Variants in RORB observed in about 807,000 individuals in gnomAD.
The protein encoded by RORB is nuclear receptor ROR-beta.
A neutral mutation model predicts 59.1 loss-of-function variants in RORB; 6 were observed. The ratio of observed to expected loss-of-function variants is 0.10; its 90% CI spans 0.06 to 0.20. RORB has a LOEUF of 0.20. Ranked by LOEUF, RORB falls within the 10% of genes least tolerant of loss-of-function variation. RORB has a pLI of 1.00. For synonymous variants in RORB, 215 were observed against 204.5 expected, an observed-to-expected ratio of 1.05 and a Z score of -0.44; for missense variants, 320 against 560.5, an observed-to-expected ratio of 0.57 and a Z score of 4.33.
chr9:74,542,413 A>G (rs1826422773), intron 1 of RORB, among the ~76,000 whole-genome samples: 1 of 152,230 alleles, frequency 6.6e-6, no homozygotes, highest in Admixed American at 6.5e-5. Context: ...TTCAGTGGAC[A>G]TTAAATTGCA....
At chr9:74,514,148 T>C (rs917999758) in intron 1 of RORB, among the ~76,000 whole-genome samples, 10 of 152,128 alleles carry the variant, frequency 6.6e-5, no homozygotes, top group African/African-American at 2.2e-4. Flanking sequence ...GGACAACAGC[T>C]ACTGCTTATT....
chr9:74,627,191 C>G (rs1823535066), intron 1 of RORB, among the ~76,000 whole-genome samples: 1 of 150,970 alleles, frequency 6.6e-6, no homozygotes, highest in Non-Finnish European at 1.5e-5. Flanking sequence ...AACTATAAAG[C>G]TGCAGCTCAG....
rs1295554474 is a variant in RORB, at chr9:74,691,996, G to A, written c.*6378G>A. 1.3e-5 allele frequency: 2 copies of A among 152,082 alleles called. No individual in the cohort carries two copies. Among genetic ancestry groups the A allele is most frequent in the South Asian group, 2.1e-4 (1 of 4,826 alleles). 9.4% of individuals were successfully genotyped at this position (152,082 alleles called of 1,614,324 possible). A position where few individuals can be genotyped will look rare whatever the true frequency, so the allele number is the denominator to read the frequency against. ...CTGAGTTAAGTCATCTTTCCTTGTA[G>A]CAAATGGCTTTGTCCAAATCCTTTC... is the stretch of plus-strand genomic sequence containing the variant. On this transcript the variant is annotated 3_prime_UTR_variant, in exon 10 of 10. Coordinates refer to ENST00000376896, the MANE Select transcript of RORB (RefSeq NM_006914.4).
At chr9:74,542,386 A>G (rs978995386) in intron 1 of RORB, among the ~76,000 whole-genome samples, 1 of 152,220 alleles carries the variant, frequency 6.6e-6, no homozygotes, top group Admixed American at 6.5e-5. Flanking sequence ...TGAAAAATGT[A>G]TTGTTTGAAA....
Position 74,603,927 on chromosome 9 carries a change from T to G in RORB, c.8-26355T>G, listed in dbSNP as rs1005739269. On this transcript the variant is annotated intron_variant, in intron 1 of 9. Coordinates refer to ENST00000376896, the MANE Select transcript of RORB (RefSeq NM_006914.4). The stretch of plus-strand genomic sequence containing the variant: ...TGTAATAATATATTAAAAGGTTGAG[T>G]GCCATCGTCCTAACTATTATGCTAA... 2.0e-5 allele frequency among the ~76,000 whole-genome samples: 3 copies of G among 152,178 alleles called. No homozygotes were observed. The South Asian group carries it at 6.2e-4, about 32-fold the overall frequency.
chr9:74,668,268 A>G (rs1824298385), intron 8 of RORB, among the ~76,000 whole-genome samples: 1 of 152,250 alleles, frequency 6.6e-6, no homozygotes, highest in Non-Finnish European at 1.5e-5. Flanking sequence ...CACAGTAGAA[A>G]TGTACCTAAA....
chr9:74,517,903 T>C (rs1397401658), intron 1 of RORB, among the ~76,000 whole-genome samples: 1 of 152,076 alleles, frequency 6.6e-6, no homozygotes, highest in African/African-American at 2.4e-5. Context: ...ATTACCTCAG[T>C]TAATCATCAG....
At chr9:74,518,962 A>G (rs1826047986) in intron 1 of RORB, among the ~76,000 whole-genome samples, 1 of 152,040 alleles carries the variant, frequency 6.6e-6, no homozygotes, top group Non-Finnish European at 1.5e-5. Flanking sequence ...TACAATATTC[A>G]TTAGAACTAT....
At chr9:74,612,735 A>T (rs947332704) in intron 1 of RORB, among the ~76,000 whole-genome samples, 25 of 152,282 alleles carry the variant, frequency 1.6e-4, no homozygotes, top group African/African-American at 6.0e-4. Context: ...TATTAATTTC[A>T]TTTACTCAGG....
intron 1 of RORB, among the ~76,000 whole-genome samples, chr9:74,605,035 T>G (rs1391876649): frequency 3.3e-5 from 5 of 152,230 alleles, no homozygotes; most frequent in African/African-American, 1.2e-4. Context: ...TAGTAACCCT[T>G]CATCCTAGAA....
intron 1 of RORB, among the ~76,000 whole-genome samples, chr9:74,529,036 A>G (rs1335674008): frequency 1.3e-5 from 2 of 152,046 alleles, no homozygotes; most frequent in Admixed American, 6.6e-5. Context: ...CATTTTAAGG[A>G]GAAGTGCTCT....
chr9:74,571,941 G>A (rs183826911), intron 1 of RORB, among the ~76,000 whole-genome samples: 101 of 152,076 alleles, frequency 6.6e-4, no homozygotes, highest in Non-Finnish European at 1.1e-3. Flanking sequence ...CACCTCCCCC[G>A]CCCTCCTGAG....
intron 9 of RORB, among the ~76,000 whole-genome samples, chr9:74,677,004 A>G (rs1004536604): frequency 6.6e-6 from 1 of 152,204 alleles, no homozygotes; most frequent in Non-Finnish European, 1.5e-5. Flanking sequence ...ATTCACTGTC[A>G]TTGCCACGTG....
chr9:74,552,709 A>T (rs1428783102), intron 1 of RORB, among the ~76,000 whole-genome samples: 1 of 152,116 alleles, frequency 6.6e-6, no homozygotes, highest in African/African-American at 2.4e-5. Flanking sequence ...TATTGAGCAC[A>T]TATCATGCAC....
chr9:74,685,230 G>T lies in RORB; in HGVS notation c.1225-233G>T, dbSNP rs561383678. Among the ~76,000 whole-genome samples, 9 of 143,132 alleles carry T rather than the reference G, an allele frequency of 6.3e-5. 1 individual carries two copies. In the East Asian group the frequency reaches 1.9e-3, roughly 30 times the overall value. The allele number at this position is 143,132 out of a possible 152,430, so 93.9% of individuals were successfully genotyped here. A position where few individuals can be genotyped will look rare whatever the true frequency, so the allele number is the denominator to read the frequency against. Reference sequence around the variant, plus strand: ...TTAAGAGCGATGAATCAGGGATCTTGGTCCTGCTTGCTTTATTTTTCCTTT... The same window carrying T: ...TTAAGAGCGATGAATCAGGGATCTTTGTCCTGCTTGCTTTATTTTTCCTTT... On this transcript the variant is annotated intron_variant, in intron 9 of 9. Coordinates refer to ENST00000376896, the MANE Select transcript of RORB (RefSeq NM_006914.4).
intron 1 of RORB, among the ~76,000 whole-genome samples, chr9:74,524,465 G>C (rs1447625062): frequency 6.6e-6 from 1 of 151,998 alleles, no homozygotes; most frequent in Non-Finnish European, 1.5e-5. Context: ...CTGCTGAAAA[G>C]CTAATTACCT....
chr9:74,540,645 C>G (rs1196744610), intron 1 of RORB, among the ~76,000 whole-genome samples: 1 of 151,854 alleles, frequency 6.6e-6, no homozygotes, highest in Non-Finnish European at 1.5e-5. Context: ...GGATCTTTCT[C>G]ATTCTTTTTT....
intron 1 of RORB, among the ~76,000 whole-genome samples, chr9:74,586,619 G>GTGTA (rs1554668280): frequency 6.6e-6 from 1 of 151,568 alleles, no homozygotes; most frequent in Non-Finnish European, 1.5e-5. Context: ...GTGTGTGTGT[G>GTGTA]TGTGTGTGTG....
chr9:74,537,209 C>T (rs1197213309), intron 1 of RORB, among the ~76,000 whole-genome samples: 2 of 151,970 alleles, frequency 1.3e-5, no homozygotes, highest in African/African-American at 4.8e-5. Flanking sequence ...ACCTCTTCCC[C>T]GTGGTTCCTG....
Sources: allele counts gnomAD v4.1 joint callset (sites outside exome capture counted in the v4.1 genomes callset), GRCh38; gene constraint gnomAD v4.1.1; transcripts MANE v1.5; gene names NCBI Gene and HGNC (gene_info 2026-07-23, HGNC 2026-07-21).